The following JARID2 variants were observed in gnomAD, a reference collection of about 807,000 sequenced individuals.
The protein encoded by JARID2 is jumonji and AT-rich interaction domain containing 2.
Under a neutral mutation model 125.6 loss-of-function variants are expected in JARID2, and 21 were observed. The observed-to-expected ratio is 0.17, with a 90% confidence interval of 0.12 to 0.24. The LOEUF is 0.24. JARID2 is among the 10% of genes least tolerant of loss of function. JARID2 has a pLI of 1.00. For missense variants in JARID2, 1,303 were observed against 1,639.6 expected (o/e 0.79, Z 3.55); for synonymous variants, 736 against 661.6 (o/e 1.11, Z -1.73).
At chr6:15,360,587 G>A (rs565815949) in intron 1 of JARID2, among the ~76,000 whole-genome samples, 7 of 152,232 alleles carry the variant, frequency 4.6e-5, no homozygotes, top group Non-Finnish European at 7.4e-5. Context: ...GTGTTCAAGC[G>A]ATCTTCTCAC....
intron 5 of JARID2, among the ~76,000 whole-genome samples, chr6:15,478,266 AT>A: frequency 6.6e-6 from 1 of 152,176 alleles, no homozygotes; most frequent in Admixed American, 6.5e-5. Context: ...TAAAAAGATT[AT>A]TTAGCCTCTT....
At chr6:15,401,634 G>C (rs573629738) in intron 2 of JARID2, among the ~76,000 whole-genome samples, 1 of 152,264 alleles carries the variant, frequency 6.6e-6, no homozygotes, top group Admixed American at 6.5e-5. Flanking sequence ...GACCTGAAGT[G>C]GTTCTGGATT....
In JARID2 at chr6:15,299,134, C is replaced by G. The variant is rs557168576; in HGVS notation, c.45+52550C>G. On this transcript the variant is annotated intron_variant, in intron 1 of 17. Transcript: ENST00000341776. ...CTGGCTATCTGTACCCGACATTTGT[C>G]AAACTTCACTGACCCGTGAGCCTTA... Among the ~76,000 whole-genome samples the G allele has an allele frequency of 3.3e-5, 5 of 152,262 alleles. No homozygotes were observed. In the South Asian group the frequency reaches 1.0e-3, roughly 32 times the overall value.
At chr6:15,287,168 C>A (rs1001635882) in intron 1 of JARID2, among the ~76,000 whole-genome samples, 9 of 151,612 alleles carry the variant, frequency 5.9e-5, no homozygotes, top group Non-Finnish European at 7.4e-5. Flanking sequence ...AACAAAAAAA[C>A]CCCTCTTGAT....
At chr6:15,250,484 C>A (rs1011988145) in intron 1 of JARID2, among the ~76,000 whole-genome samples, 1 of 152,104 alleles carries the variant, frequency 6.6e-6, no homozygotes, top group African/African-American at 2.4e-5. Flanking sequence ...AGTGGAAAAT[C>A]TTGCTCTGTG....
At chr6:15,332,464 A>G (rs1406780085) in intron 1 of JARID2, among the ~76,000 whole-genome samples, 1 of 152,230 alleles carries the variant, frequency 6.6e-6, no homozygotes, top group African/African-American at 2.4e-5. Flanking sequence ...AAACAGCTTT[A>G]TTATGTAGAA....
chr6:15,385,179 C>T (rs1764737599), intron 2 of JARID2, among the ~76,000 whole-genome samples: 1 of 152,208 alleles, frequency 6.6e-6, no homozygotes, highest in South Asian at 2.1e-4. Flanking sequence ...CTCTGTCCCT[C>T]TTCCTGGTAT....
At chr6:15,340,378 C>T (rs990957047) in intron 1 of JARID2, among the ~76,000 whole-genome samples, 1 of 152,118 alleles carries the variant, frequency 6.6e-6, no homozygotes, top group African/African-American at 2.4e-5. Context: ...GTGACTTGTG[C>T]GACATCATTG....
intron 1 of JARID2, among the ~76,000 whole-genome samples, chr6:15,297,783 A>C (rs779370466): frequency 1.3e-5 from 2 of 152,190 alleles, no homozygotes; most frequent in Non-Finnish European, 2.9e-5. Context: ...CACTCCTGTC[A>C]GAGTTAGCAG....
chr6:15,326,501 A>G (rs1440206979), intron 1 of JARID2, among the ~76,000 whole-genome samples: 1 of 152,108 alleles, frequency 6.6e-6, no homozygotes, highest in Admixed American at 6.5e-5. Flanking sequence ...TGTCAGTATT[A>G]ATGTTTTTAT....
chr6:15,344,438 C>G (rs1187065622), intron 1 of JARID2, among the ~76,000 whole-genome samples: 1 of 151,658 alleles, frequency 6.6e-6, no homozygotes, highest in Non-Finnish European at 1.5e-5. Flanking sequence ...GAGAGTCCTA[C>G]TAAAGTCTGA....
At chr6:15,261,933 A>G (rs573232392) in intron 1 of JARID2, among the ~76,000 whole-genome samples, 43 of 152,014 alleles carry the variant, frequency 2.8e-4, no homozygotes, top group Admixed American at 3.3e-4. Context: ...GGCGCGCGCC[A>G]CCATGCCCGG....
chr6:15,256,905 G>A (rs1759687008), intron 1 of JARID2, among the ~76,000 whole-genome samples: 1 of 149,510 alleles, frequency 6.7e-6, no homozygotes, highest in Non-Finnish European at 1.5e-5. Flanking sequence ...TTCAAGTTTG[G>A]TGGAGTATTT....
chr6:15,438,563 ACTT>A (rs1767311791), intron 3 of JARID2, among the ~76,000 whole-genome samples: 1 of 152,156 alleles, frequency 6.6e-6, no homozygotes, highest in South Asian at 2.1e-4. Context: ...GACAATTCCA[ACTT>A]CTTTGTTATT....
At chr6:15,312,146 C>G (rs938754556) in intron 1 of JARID2, among the ~76,000 whole-genome samples, 1 of 152,170 alleles carries the variant, frequency 6.6e-6, no homozygotes, top group African/African-American at 2.4e-5. Context: ...GCCTTCACCT[C>G]CCAGGTTCAA....
At chr6:15,452,320 T>G (rs564077869) in intron 4 of JARID2, 145 bp downstream of exon 4, 4 of 1,194,864 alleles carry the variant, frequency 3.3e-6, no homozygotes, top group African/African-American at 1.6e-5. Context: ...AAGTGAGAAA[T>G]CCCACCGAGA....
chr6:15,384,468 C>T (rs1455752399), intron 2 of JARID2, among the ~76,000 whole-genome samples: 3 of 151,808 alleles, frequency 2.0e-5, no homozygotes, highest in Admixed American at 6.6e-5. Flanking sequence ...TCCGCTTGCC[C>T]CTTCTTCCCT....
At chr6:15,489,446 C>T (rs1467978602) in intron 6 of JARID2, among the ~76,000 whole-genome samples, 20 of 152,180 alleles carry the variant, frequency 1.3e-4, no homozygotes, top group South Asian at 2.1e-4. Flanking sequence ...TCCTCTTGCA[C>T]GGTCACGAAT....
chr6:15,407,435 C>A (rs776974309), intron 2 of JARID2, among the ~76,000 whole-genome samples: 17 of 152,086 alleles, frequency 1.1e-4, no homozygotes, highest in Admixed American at 4.6e-4. Context: ...AGGACAGAAG[C>A]AAAGCTGTCA....
Sources: allele counts gnomAD v4.1 joint callset (sites outside exome capture counted in the v4.1 genomes callset), GRCh38; gene constraint gnomAD v4.1.1; transcripts MANE v1.5; gene names NCBI Gene and HGNC (gene_info 2026-07-23, HGNC 2026-07-21).